TAFA2: variants seen among roughly 807,000 people sequenced by gnomAD.
TAFA2 encodes the protein chemokine-like protein TAFA-2.
A neutral mutation model predicts 18.8 loss-of-function variants in TAFA2; 7 were observed. The observed-to-expected ratio is 0.37, with a 90% CI of 0.21 to 0.70. The LOEUF (loss-of-function observed/expected upper bound fraction) is 0.70. Ranked by LOEUF, TAFA2 falls within the 30% of genes least tolerant of loss-of-function variation. The pLI is 0.53. For missense variants in TAFA2, 122 were observed against 158.1 expected, an observed-to-expected ratio of 0.77 and a Z score of 1.23; for synonymous variants, 60 against 54.2, an observed-to-expected ratio of 1.11 and a Z score of -0.47.
chr12:61,758,639 C>A (rs540899772), intron 2 of TAFA2, among the ~76,000 whole-genome samples: 1 of 151,892 alleles, frequency 6.6e-6, no homozygotes, highest in Non-Finnish European at 1.5e-5. Flanking sequence ...AAATAGATAC[C>A]TAAGAAAGAG....
At chr12:61,715,420 C>T (rs1284871495) in intron 4 of TAFA2, among the ~76,000 whole-genome samples, 1 of 151,930 alleles carries the variant, frequency 6.6e-6, no homozygotes, top group Non-Finnish European at 1.5e-5. Flanking sequence ...GCTATCTCGG[C>T]TCACTGCAAG....
At chr12:61,785,632 C>A (rs1870706399) in intron 2 of TAFA2, among the ~76,000 whole-genome samples, 1 of 151,430 alleles carries the variant, frequency 6.6e-6, no homozygotes, top group South Asian at 2.1e-4. Context: ...CTGCCTTGAA[C>A]TTTCTGGAAG....
chr12:61,982,772 C>T (rs1879680597), intron 1 of TAFA2, among the ~76,000 whole-genome samples: 1 of 149,136 alleles, frequency 6.7e-6, no homozygotes, highest in South Asian at 2.1e-4. Flanking sequence ...TAGGGTATAC[C>T]TAGGCCTGAG....
chr12:62,228,671 C>T (rs1430003828), intron 1 of TAFA2, among the ~76,000 whole-genome samples: 2 of 152,122 alleles, frequency 1.3e-5, no homozygotes, highest in African/African-American at 4.8e-5. Context: ...ATATCTCCTA[C>T]TTTATTTTTT....
chr12:61,867,415 C>T lies in TAFA2; in HGVS notation c.11G>A (p.Arg4Lys). The T allele has an allele frequency of 6.5e-7, 1 of 1,543,426 alleles. No homozygotes were observed. The highest frequency in any genetic ancestry group is 8.9e-7 in the Non-Finnish European group (1 of 1,121,622). ...TCCTTTTGTTGCTTTCTGTAAGTAT[C>T]TCTTACTCATCCTGCAAATAAAAAA... MSK[R>K]YLQKATKGKL... The change falls in exon 2 of 5, where the codon AGA becomes AAA. Residue 4 changes from arginine to lysine, a missense_variant. Arg to Lys is a conservative substitution (Grantham distance 26). This residue lies in a region of TAFA2 where 62 missense variants were observed against 55.5 expected (regional missense o/e 1.12). Transcript: ENST00000416284.
At chr12:61,860,094 A>G (rs1263748565) in intron 2 of TAFA2, among the ~76,000 whole-genome samples, 1 of 152,240 alleles carries the variant, frequency 6.6e-6, no homozygotes, top group Non-Finnish European at 1.5e-5. Flanking sequence ...ATGAATACAT[A>G]AAATAATTAA....
At chr12:61,999,675 G>A (rs1165365238) in intron 1 of TAFA2, among the ~76,000 whole-genome samples, 2 of 152,158 alleles carry the variant, frequency 1.3e-5, no homozygotes, top group Non-Finnish European at 2.9e-5. Flanking sequence ...GCGAATACTA[G>A]TACTATATCC....
At chr12:62,174,354 CAT>C (rs1218884260) in intron 1 of TAFA2, among the ~76,000 whole-genome samples, 14 of 152,046 alleles carry the variant, frequency 9.2e-5, no homozygotes, top group Non-Finnish European at 1.5e-5. Context: ...GTAAGAGAGA[CAT>C]ATCGAGAACA....
intron 1 of TAFA2, among the ~76,000 whole-genome samples, chr12:62,062,407 G>C (rs1476280212): frequency 6.6e-6 from 1 of 152,136 alleles, no homozygotes; most frequent in Non-Finnish European, 1.5e-5. Context: ...ATTGCGACCT[G>C]ACAAGAAGTG....
At chr12:61,833,076 A>G (rs1470733609) in intron 2 of TAFA2, among the ~76,000 whole-genome samples, 1 of 147,332 alleles carries the variant, frequency 6.8e-6, no homozygotes, top group Admixed American at 6.8e-5. Context: ...ATACATATAT[A>G]AATATATATA....
intron 4 of TAFA2, among the ~76,000 whole-genome samples, chr12:61,738,687 T>C (rs1156637349): frequency 6.6e-6 from 1 of 152,096 alleles, no homozygotes; most frequent in Admixed American, 6.6e-5. Context: ...AATGGCCCCA[T>C]GTCTGAGGCC....
At chr12:62,062,355 G>A (rs1414986109) in intron 1 of TAFA2, among the ~76,000 whole-genome samples, 2 of 152,140 alleles carry the variant, frequency 1.3e-5, no homozygotes, top group Non-Finnish European at 1.5e-5. Flanking sequence ...GAACACTGAT[G>A]GGGCGTAAGA....
intron 1 of TAFA2, among the ~76,000 whole-genome samples, chr12:61,994,869 C>T (rs1234093661): frequency 1.3e-5 from 2 of 152,128 alleles, no homozygotes; most frequent in African/African-American, 4.8e-5. Context: ...GAGCCTGGGC[C>T]AGCTCTTCTC....
intron 1 of TAFA2, among the ~76,000 whole-genome samples, chr12:62,165,939 T>TCTCA (rs1555195377): frequency 0.034 from 4,796 of 139,376 alleles, 104 homozygotes; most frequent in Non-Finnish European, 0.05. Context: ...TCTCTCTCTC[T>TCTCA]CACACACACA....
intron 1 of TAFA2, among the ~76,000 whole-genome samples, chr12:62,160,944 AAATG>A (rs113504961): frequency 1.5e-4 from 23 of 152,262 alleles, no homozygotes; most frequent in African/African-American, 3.1e-4. Context: ...GTGAACTGGA[AAATG>A]AATGAATGAA....
chr12:61,895,850 A>C (rs1875818951), intron 1 of TAFA2, among the ~76,000 whole-genome samples: 1 of 152,156 alleles, frequency 6.6e-6, no homozygotes, highest in Non-Finnish European at 1.5e-5. Context: ...AGTAAGAAGT[A>C]AAATATAACC....
chr12:61,868,754 G>A (rs1031166403), intron 1 of TAFA2, among the ~76,000 whole-genome samples: 3 of 152,050 alleles, frequency 2.0e-5, no homozygotes, highest in African/African-American at 7.2e-5. Context: ...CTTAGCTTGA[G>A]GAGGTTATAG....
rs561784016 is a variant in TAFA2, at chr12:61,848,887, G to C, written c.106+18433C>G. On this transcript the variant is annotated intron_variant, in intron 2 of 4. Transcript: ENST00000416284. ...AATGGAGTCTTGCTCTGTCACCCAG[G>C]CTGGAGTGCAGTGGCACGTTCTCAG... is the stretch of plus-strand genomic sequence containing the variant. 3.5e-3 allele frequency among the ~76,000 whole-genome samples: 530 copies of C among 150,358 alleles called. 1 individual carries two copies. The highest frequency in any genetic ancestry group is 6.2e-3 in the Non-Finnish European group (418 of 67,656).
intron 1 of TAFA2, among the ~76,000 whole-genome samples, chr12:62,001,348 G>T (rs926139318): frequency 1.6e-4 from 25 of 152,112 alleles, no homozygotes; most frequent in African/African-American, 5.1e-4. Flanking sequence ...TACATTTATT[G>T]TGCATTTTAT....
Sources: gnomAD v4.1 joint callset for allele counts (sites outside exome capture counted in the v4.1 genomes callset) on GRCh38, gnomAD v4.1.1 for gene constraint, gnomAD v4.1.1 regional missense constraint, MANE v1.5 for transcripts, NCBI Gene and HGNC (gene_info 2026-07-23, HGNC 2026-07-21) for gene names.